JPH3: variants seen among roughly 807,000 people sequenced by gnomAD.
JPH3 encodes junctophilin-3.
JPH3 carries 11 observed loss-of-function variants against 59.6 expected under a neutral mutation model. The observed-to-expected ratio is 0.18, with a 90% confidence interval of 0.12 to 0.31. The LOEUF is 0.31. Among genes scored for constraint, JPH3 ranks in the 10% least tolerant of loss-of-function variants. JPH3 has a pLI of 1.00. For missense variants in JPH3, 1,202 were observed against 1,105.7 expected (o/e 1.09, Z -1.24); for synonymous variants, 673 against 483.6 (o/e 1.39, Z -5.14).
chr16:87,664,188 G>T (rs915810767), intron 2 of JPH3, among the ~76,000 whole-genome samples: 1 of 152,114 alleles, frequency 6.6e-6, no homozygotes, highest in East Asian at 1.9e-4. Context: ...AAAATTAGCT[G>T]GGCGTGGTGG....
At position 87,653,071 on chromosome 16, in the gene JPH3, G is replaced by T. The variant is rs568068757; in HGVS notation, c.1160+8036G>T. On this transcript the variant is annotated intron_variant, in intron 2 of 4. Coordinates refer to ENST00000284262, the MANE Select transcript of JPH3 (RefSeq NM_020655.4). ...GTCTCCAAGCCAGTCAGTGCCTGCG[G>T]GGGGGACTAGAATTCTCACCCAGGC... Among the ~76,000 whole-genome samples, 6 of 152,240 alleles carry T rather than the reference G, an allele frequency of 3.9e-5. No homozygotes were observed. The South Asian group carries it at 8.3e-4, about 21-fold the overall frequency.
intron 2 of JPH3, among the ~76,000 whole-genome samples, chr16:87,676,625 A>G (rs1463615850): frequency 1.3e-5 from 2 of 150,822 alleles, no homozygotes; most frequent in Admixed American, 6.6e-5. Flanking sequence ...TCCCAGCTAC[A>G]TGGGTGCCTG....
chr16:87,692,194 GGTTTCCCTCCCTGTCTCCCTCCCC>G (rs1362753591), intron 4 of JPH3, among the ~76,000 whole-genome samples: 1 of 122,438 alleles, frequency 8.2e-6, no homozygotes, highest in East Asian at 2.4e-4. Flanking sequence ...GTGCAAACAA[GGTTTCCCTCCCTGTCTCCCTCCCC>G]GTCTCCCTCC....
intron 2 of JPH3, 28 bp downstream of exon 2, chr16:87,645,063 T>C (rs1486653459): frequency 1.9e-6 from 3 of 1,578,200 alleles, no homozygotes; most frequent in Non-Finnish European, 1.7e-6. Context: ...CGGGGGGCCC[T>C]TCTTGGTGCC....
chr16:87,664,216 A>G (rs1255498679), intron 2 of JPH3, among the ~76,000 whole-genome samples: 1 of 152,044 alleles, frequency 6.6e-6, no homozygotes, highest in Non-Finnish European at 1.5e-5. Context: ...CTGTAGTCCC[A>G]GCTACATGGG....
chr16:87,667,695 C>T (rs2032907030), intron 2 of JPH3, among the ~76,000 whole-genome samples: 1 of 152,196 alleles, frequency 6.6e-6, no homozygotes, highest in African/African-American at 2.4e-5. Flanking sequence ...TCCTGGCCTC[C>T]CGGAGCTTCC....
At chr16:87,626,928 G>A (rs1168402095) in intron 1 of JPH3, among the ~76,000 whole-genome samples, 1 of 152,174 alleles carries the variant, frequency 6.6e-6, no homozygotes, top group Non-Finnish European at 1.5e-5. Context: ...ATCTCTTGAG[G>A]CCAGGAGTTC....
At position 87,674,276 on chromosome 16, in the gene JPH3, G is replaced by A. The variant is rs368927946; in HGVS notation, c.1161-9866G>A. On this transcript the variant is annotated intron_variant, in intron 2 of 4. Transcript: ENST00000284262. ...GTGAACCCGGGAGGTGGAGCTTGCA[G>A]TGAGCCGAGATCGCGCCACTGACTC... Among the ~76,000 whole-genome samples, 3 of 152,308 alleles carry A rather than the reference G, an allele frequency of 2.0e-5. No homozygotes were observed. In the South Asian group the frequency reaches 6.2e-4, roughly 32 times the overall value.
At chr16:87,633,394 A>T (rs1385002965) in intron 1 of JPH3, among the ~76,000 whole-genome samples, 2 of 151,694 alleles carry the variant, frequency 1.3e-5, no homozygotes, top group African/African-American at 4.9e-5. Flanking sequence ...GGTGGGTAGG[A>T]CTGCAGCATA....
chr16:87,632,447 G>T (rs1390498995), intron 1 of JPH3, among the ~76,000 whole-genome samples: 1 of 152,014 alleles, frequency 6.6e-6, no homozygotes, highest in Non-Finnish European at 1.5e-5. Context: ...CCTTTTTCTT[G>T]GTTTGTCCTA....
intron 2 of JPH3, among the ~76,000 whole-genome samples, chr16:87,652,724 G>A (rs1158235362): frequency 6.6e-6 from 1 of 152,262 alleles, no homozygotes; most frequent in African/African-American, 2.4e-5. Flanking sequence ...ACTCTCGTGA[G>A]TTGAGGCCCT....
chr16:87,612,896 G>A (rs1252897001), intron 1 of JPH3, among the ~76,000 whole-genome samples: 4 of 151,412 alleles, frequency 2.6e-5, no homozygotes, highest in Admixed American at 2.6e-4. Flanking sequence ...GTGGCGGGCG[G>A]GCACCTGTAG....
At chr16:87,671,218 C>T (rs568126470) in intron 2 of JPH3, among the ~76,000 whole-genome samples, 2 of 152,320 alleles carry the variant, frequency 1.3e-5, no homozygotes, top group African/African-American at 4.8e-5. Flanking sequence ...TGTTCCTCGA[C>T]TCCTAGCATG....
At chr16:87,692,085 A>T (rs2033600251) in intron 4 of JPH3, among the ~76,000 whole-genome samples, 1 of 152,138 alleles carries the variant, frequency 6.6e-6, no homozygotes, top group South Asian at 2.1e-4. Context: ...AGCTGGGGCT[A>T]ATCTGGAGGT....
At position 87,603,057 on chromosome 16, in the gene JPH3, G is replaced by A; in HGVS notation, c.-90G>A. On this transcript the variant is annotated 5_prime_UTR_variant, in exon 1 of 5. Transcript: ENST00000284262. ...CTCCTCTCCTCCGGAAAACGCTCGC[G>A]ACCCAGGGCCGCCGGCGGCCGCGAC... 6.5e-7 allele frequency: 1 copy of A among 1,544,482 alleles called. No homozygotes were observed. The highest frequency in any genetic ancestry group is 8.8e-7 in the Non-Finnish European group (1 of 1,138,616).
At chr16:87,637,506 G>C (rs577868514) in intron 1 of JPH3, among the ~76,000 whole-genome samples, 1 of 152,146 alleles carries the variant, frequency 6.6e-6, no homozygotes, top group Non-Finnish European at 1.5e-5. Flanking sequence ...GGCCTGAAGT[G>C]TGTCCTGTGT....
At chr16:87,633,996 C>G (rs1197751635) in intron 1 of JPH3, among the ~76,000 whole-genome samples, 1 of 152,164 alleles carries the variant, frequency 6.6e-6, no homozygotes, top group East Asian at 1.9e-4. Context: ...AGGAGCGACC[C>G]GAATACCTTG....
chr16:87,637,424 G>GTGTGTGTT, intron 1 of JPH3, among the ~76,000 whole-genome samples: 1 of 142,428 alleles, frequency 7.0e-6, no homozygotes, highest in African/African-American at 2.9e-5. Flanking sequence ...GTGTGTGTTT[G>GTGTGTGTT]TGTGTGTGTG....
intron 1 of JPH3, chr16:87,604,082 C>T: frequency 1.0e-6 from 1 of 985,454 alleles, no homozygotes; most frequent in Non-Finnish European, 1.2e-6. Context: ...AGGCAGTACA[C>T]TTCTAGGTGG....
Sources: allele counts gnomAD v4.1 joint callset (sites outside exome capture counted in the v4.1 genomes callset), GRCh38; gene constraint gnomAD v4.1.1; transcripts MANE v1.5; gene names NCBI Gene and HGNC (gene_info 2026-07-23, HGNC 2026-07-21).